Variants in CSMD3 observed in about 807,000 individuals in gnomAD.
CSMD3 encodes the protein CUB and sushi domain-containing protein 3.
In CSMD3, 177 loss-of-function variants were observed where a neutral mutation model predicts 435.2. That is an observed-to-expected ratio of 0.41 (90% CI 0.36 to 0.46). The LOEUF is 0.46. CSMD3 is among the 20% of genes least tolerant of loss of function. CSMD3 has a pLI of 0.34. For synonymous variants in CSMD3, 1,656 were observed against 1,520.5 expected (o/e 1.09, Z -2.07); for missense variants, 4,265 against 4,504.6 (o/e 0.95, Z 1.52).
intron 1 of CSMD3, among the ~76,000 whole-genome samples, chr8:113,402,596 T>C (rs2094515215): frequency 6.6e-6 from 1 of 151,296 alleles, no homozygotes; most frequent in Non-Finnish European, 1.5e-5. Flanking sequence ...TGGCCTAATC[T>C]TATTTAATAT....
chr8:112,383,785 T>C, intron 36 of CSMD3, 122 bp from the exon 37 acceptor site: 4 of 722,144 alleles, frequency 5.5e-6, no homozygotes, highest in South Asian at 4.5e-5. Flanking sequence ...TGACCCTTCA[T>C]AGAAGGGTTT....
At position 112,224,354 on chromosome 8, in the gene CSMD3, A is replaced by G. The variant is rs1663813128; in HGVS notation, c.*417T>C. On this transcript the variant is annotated 3_prime_UTR_variant, in exon 71 of 71. Coordinates refer to ENST00000297405, the MANE Select transcript of CSMD3 (RefSeq NM_198123.2). ...GGCGTGATGTAGCTCAGGACAGTTAAAGAGAAGTCAGTGATCTATTGACTC... is the reference window on the plus strand; with the variant it reads ...GGCGTGATGTAGCTCAGGACAGTTAGAGAGAAGTCAGTGATCTATTGACTC... 8.7e-6 allele frequency: 2 copies of G among 229,856 alleles called. No individual in the cohort carries two copies. The highest frequency in any genetic ancestry group is 5.2e-5 in the Admixed American group (1 of 19,400). The allele number at this position is 229,856 out of a possible 1,614,324, so 14.2% of individuals were successfully genotyped here. A position where few individuals can be genotyped will look rare whatever the true frequency, so the allele number is the denominator to read the frequency against.
At chr8:112,934,542 T>G (rs2083217381) in intron 9 of CSMD3, among the ~76,000 whole-genome samples, 1 of 152,284 alleles carries the variant, frequency 6.6e-6, no homozygotes, top group East Asian at 1.9e-4. Context: ...CAGTGGCTGC[T>G]CTGATGAAAA....
chr8:113,346,533 T>C (rs895672881), intron 1 of CSMD3, among the ~76,000 whole-genome samples: 6 of 152,072 alleles, frequency 3.9e-5, no homozygotes, highest in African/African-American at 1.2e-4. Flanking sequence ...TTTTAAAAAA[T>C]GGAACTTTGT....
intron 6 of CSMD3, among the ~76,000 whole-genome samples, chr8:113,017,757 G>A (rs1186067391): frequency 6.6e-6 from 1 of 151,952 alleles, no homozygotes; most frequent in Non-Finnish European, 1.5e-5. Context: ...TTTAGAAATT[G>A]AAATTGGGAA....
chr8:112,696,214 G>GA (rs2076251745), intron 13 of CSMD3, among the ~76,000 whole-genome samples: 2 of 152,208 alleles, frequency 1.3e-5, no homozygotes, highest in African/African-American at 2.4e-5. Context: ...CACAGAATTT[G>GA]AAAAAACTAC....
intron 11 of CSMD3, among the ~76,000 whole-genome samples, chr8:112,836,202 G>A (rs2080018921): frequency 6.6e-6 from 1 of 151,838 alleles, no homozygotes; most frequent in South Asian, 2.1e-4. Context: ...TAGAAAGTAT[G>A]TTTTACATAG....
At chr8:112,567,469 A>C (rs1829153314) in intron 24 of CSMD3, among the ~76,000 whole-genome samples, 1 of 152,106 alleles carries the variant, frequency 6.6e-6, no homozygotes. Flanking sequence ...TGTTCTCTAT[A>C]TTTTCAATAT....
intron 22 of CSMD3, among the ~76,000 whole-genome samples, chr8:112,625,359 A>G (rs1834392143): frequency 6.6e-6 from 1 of 152,156 alleles, no homozygotes; most frequent in Non-Finnish European, 1.5e-5. Context: ...TCAGAAAAAC[A>G]AAGCAATGTC....
At chr8:112,359,487 T>C (rs1563838087) in intron 38 of CSMD3, among the ~76,000 whole-genome samples, 1 of 152,172 alleles carries the variant, frequency 6.6e-6, no homozygotes, top group Non-Finnish European at 1.5e-5. Flanking sequence ...CTTGTGTGAA[T>C]GAATGAATAA....
intron 11 of CSMD3, among the ~76,000 whole-genome samples, chr8:112,845,553 A>C (rs1047174016): frequency 2.0e-5 from 3 of 152,080 alleles, no homozygotes; most frequent in Non-Finnish European, 4.4e-5. Flanking sequence ...TAGAGTGTTG[A>C]AGTATGAGTC....
At chr8:113,023,211 G>T (rs1027843304) in intron 5 of CSMD3, among the ~76,000 whole-genome samples, 1 of 151,722 alleles carries the variant, frequency 6.6e-6, no homozygotes, top group Non-Finnish European at 1.5e-5. Context: ...TATCATTTTT[G>T]ATTGCTCTGA....
At chr8:112,240,649 C>G (rs1586498535) in intron 66 of CSMD3, among the ~76,000 whole-genome samples, 1 of 151,980 alleles carries the variant, frequency 6.6e-6, no homozygotes, top group African/African-American at 2.4e-5. Flanking sequence ...TTATTGGCAG[C>G]TTTTAAATAG....
chr8:112,480,572 G>T (rs1001587206), intron 31 of CSMD3, among the ~76,000 whole-genome samples: 1 of 152,100 alleles, frequency 6.6e-6, no homozygotes, highest in Non-Finnish European at 1.5e-5. Context: ...CTATCCTTGC[G>T]ATAGTGAGTG....
At chr8:113,136,016 A>G (rs2091409122) in intron 4 of CSMD3, among the ~76,000 whole-genome samples, 1 of 151,922 alleles carries the variant, frequency 6.6e-6, no homozygotes. Context: ...TTGAGAATGC[A>G]AACAGGCACA....
intron 13 of CSMD3, among the ~76,000 whole-genome samples, chr8:112,773,760 T>C (rs1438265344): frequency 6.6e-6 from 1 of 151,980 alleles, no homozygotes; most frequent in Non-Finnish European, 1.5e-5. Context: ...TAGTGAGAAA[T>C]TTATATTTTA....
chr8:112,794,332 A>T (rs1234696105), intron 13 of CSMD3, among the ~76,000 whole-genome samples: 2 of 112,748 alleles, frequency 1.8e-5, no homozygotes, highest in Non-Finnish European at 3.3e-5. Flanking sequence ...CTCACTGTGT[A>T]GCCCAGGTTA....
chr8:113,009,055 T>C (rs1471001582), intron 6 of CSMD3, among the ~76,000 whole-genome samples: 2 of 151,686 alleles, frequency 1.3e-5, no homozygotes, highest in Non-Finnish European at 2.9e-5. Context: ...TAAAATTATT[T>C]TTGCCTATTT....
rs938539447 is a variant in CSMD3 at position 112,295,924 on chromosome 8, A to G, written c.8523T>C (p.Tyr2841=). ...ENYGYRDTVV[Y]QCNPGFRLIG... ...TCAATCGAAAACCAGGATTACATTG[A>G]TATACAACTGTGTCTCTATATCCAT... is the stretch of plus-strand genomic sequence containing the variant. Residue 2841 remains tyrosine (Y), a synonymous_variant, in exon 54 of 71, where the codon TAT becomes TAC. Coordinates refer to ENST00000297405, the MANE Select transcript of CSMD3 (RefSeq NM_198123.2). The G allele has an allele frequency of 6.2e-6, 10 of 1,613,688 alleles. No homozygotes were observed. The East Asian group carries it at 1.3e-4, about 22-fold the overall frequency.
Sources: allele counts gnomAD v4.1 joint callset (sites outside exome capture counted in the v4.1 genomes callset), GRCh38; gene constraint gnomAD v4.1.1; transcripts MANE v1.5; gene names NCBI Gene and HGNC (gene_info 2026-07-23, HGNC 2026-07-21).